The following SLC35B3 variants were observed in gnomAD, a reference collection of about 807,000 sequenced individuals.
The protein encoded by SLC35B3 is solute carrier family 35 member B3, also known as adenosine 3'-phospho 5'-phosphosulfate transporter 2.
Under a neutral mutation model 44.1 loss-of-function variants are expected in SLC35B3, and 35 were observed. That is an observed-to-expected ratio of 0.79 (90% confidence interval 0.61 to 1.05). SLC35B3 has a LOEUF of 1.05. Ranked by LOEUF, SLC35B3 falls within the 50% of genes least tolerant of loss-of-function variation. The pLI, the probability that SLC35B3 is intolerant of heterozygous loss-of-function variation, is 0.00. For missense variants in SLC35B3, 414 were observed against 476.4 expected (o/e 0.87, Z 1.22); for synonymous variants, 146 against 167.3 (o/e 0.87, Z 0.98).
In SLC35B3 at chr6:8,413,400, C is replaced by T. The variant is rs537683810; in HGVS notation, c.*149G>A. On this transcript the variant is annotated 3_prime_UTR_variant, in exon 11 of 11. Coordinates refer to ENST00000644923, the MANE Select transcript of SLC35B3 (RefSeq NM_001370476.2). Reference sequence around the variant, plus strand: ...TCAAACAAATGCTCTGAAGAAAAGGCTGACACCGCAAAACAACTTCATATG... The same window carrying T: ...TCAAACAAATGCTCTGAAGAAAAGGTTGACACCGCAAAACAACTTCATATG... The T allele has an allele frequency of 2.9e-5, 18 of 619,566 alleles. No individual in the cohort carries two copies. The South Asian group carries it at 4.4e-4, about 15-fold the overall frequency. The allele number at this position is 619,566 out of a possible 1,614,324, so 38.4% of individuals were successfully genotyped here. A position where few individuals can be genotyped will look rare whatever the true frequency, so the allele number is the denominator to read the frequency against.
intron 4 of SLC35B3, among the ~76,000 whole-genome samples, chr6:8,427,486 A>G (rs1011600661): frequency 6.6e-6 from 1 of 152,208 alleles, no homozygotes; most frequent in Non-Finnish European, 1.5e-5. Flanking sequence ...TTATGTTTGG[A>G]AGTTTCCACT....
At position 8,434,570 on chromosome 6, in the gene SLC35B3, C is replaced by A; in HGVS notation, c.-43-140G>T. 1.9e-6 allele frequency: 1 copy of A among 535,768 alleles called. No individual in the cohort carries two copies. Among genetic ancestry groups the A allele is most frequent in the Admixed American group, 3.7e-5 (1 of 27,052 alleles). The allele number at this position is 535,768 out of a possible 1,614,324, so 33.2% of individuals were successfully genotyped here. On this transcript the variant is annotated intron_variant, in intron 1 of 10. Transcript: ENST00000644923. This position sits in a 1 kb window ranked among gnomAD's most constrained non-coding sequence, Gnocchi z 6.3. ...TTTTTTCCAAGAGAAAAAGTTAACA[C>A]TAGGACTTTATATATTAAGTAATTA...
At position 8,429,999 on chromosome 6, in the gene SLC35B3, T is replaced by C. The variant is rs1581268713; in HGVS notation, c.162A>G (p.Thr54=). 1.2e-6 allele frequency: 2 copies of C among 1,614,010 alleles called. No homozygotes were observed. The highest frequency in any genetic ancestry group is 4.5e-5 in the East Asian group (2 of 44,862). ...CAACTGACTTGATGTGTGGTGACATTGTTTGGGTTTTGGATGGCACAGTGA... is the reference window on the plus strand; with the variant it reads ...CAACTGACTTGATGTGTGGTGACATCGTTTGGGTTTTGGATGGCACAGTGA... Residue 54 remains threonine, a synonymous_variant, in exon 3 of 11, where the codon ACA becomes ACG. Coordinates refer to ENST00000644923, the MANE Select transcript of SLC35B3 (RefSeq NM_001370476.2).
chr6:8,422,892 A>G (rs1337567766), intron 4 of SLC35B3, among the ~76,000 whole-genome samples: 1 of 148,358 alleles, frequency 6.7e-6, no homozygotes, highest in East Asian at 1.9e-4. Flanking sequence ...CTGAAGGTAT[A>G]AATGTTGACA....
chr6:8,429,857 TTTTTACCTGTAAA>T lies in SLC35B3; in HGVS notation c.291_297+6del. The T allele has an allele frequency of 6.5e-7, 1 of 1,532,350 alleles. No individual in the cohort carries two copies. Among genetic ancestry groups the T allele is most frequent in the Non-Finnish European group, 8.9e-7 (1 of 1,129,140 alleles). The allele number at this position is 1,532,350 out of a possible 1,614,324, so 94.9% of individuals were successfully genotyped here. A position where few individuals can be genotyped will look rare whatever the true frequency, so the allele number is the denominator to read the frequency against. On this transcript the variant is annotated splice_donor_variant and splice_donor_5th_base_variant and coding_sequence_variant and intron_variant, in exon 3 of 11. Transcript: ENST00000644923. LOFTEE classifies it high-confidence loss of function. ...ATTAACATATTACAAACATATAACT[TTTTTACCTGTAAA>T]TACCCATAAATTAGGTAAAATACAA...
At position 8,435,534 on chromosome 6, in the gene SLC35B3, T is replaced by G. The variant is rs1764425981; in HGVS notation, c.-235A>C. 2 of 463,766 alleles carry G rather than the reference T, an allele frequency of 4.3e-6. No homozygotes were observed. Among genetic ancestry groups the G allele is most frequent in the Admixed American group, 6.6e-5 (2 of 30,466 alleles). The allele number at this position is 463,766 out of a possible 1,614,324, so 28.7% of individuals were successfully genotyped here. On this transcript the variant is annotated 5_prime_UTR_variant, in exon 1 of 11. Coordinates refer to ENST00000644923, the MANE Select transcript of SLC35B3 (RefSeq NM_001370476.2). This position sits in a 1 kb window ranked among gnomAD's most constrained non-coding sequence, Gnocchi z 5.5. ...CTCAACTCCGGCGCCCGCAGGCCACTTCCGCCTATGTGTCCCTGCGCGCGT... is the reference window on the plus strand; with the variant it reads ...CTCAACTCCGGCGCCCGCAGGCCACGTCCGCCTATGTGTCCCTGCGCGCGT...
At position 8,419,796 on chromosome 6, in the gene SLC35B3, C is replaced by T; in HGVS notation, c.683-119G>A. ...AAAAACAAAAGCAGATCTTCAACTA[C>T]ATTTGTTCGGTAATCCAGAATATTC... On this transcript the variant is annotated intron_variant, in intron 6 of 10. Coordinates refer to ENST00000644923, the MANE Select transcript of SLC35B3 (RefSeq NM_001370476.2). This position sits in a 1 kb window ranked among gnomAD's most constrained non-coding sequence, Gnocchi z 4.3. The T allele has an allele frequency of 2.0e-6, 1 of 506,400 alleles. No homozygotes were observed. The highest frequency in any genetic ancestry group is 3.6e-6 in the Non-Finnish European group (1 of 280,516). The allele number at this position is 506,400 out of a possible 1,614,324, so 31.4% of individuals were successfully genotyped here.
Position 8,435,102 on chromosome 6 carries a change from T to C in SLC35B3, c.-44+241A>G, listed in dbSNP as rs891540070. 1 of 1,246,002 alleles carries C rather than the reference T, an allele frequency of 8.0e-7. No homozygotes were observed. The highest frequency in any genetic ancestry group is 1.5e-5 in the African/African-American group (1 of 64,732). The allele number at this position is 1,246,002 out of a possible 1,614,324, so 77.2% of individuals were successfully genotyped here. On this transcript the variant is annotated intron_variant, in intron 1 of 10. Coordinates refer to ENST00000644923, the MANE Select transcript of SLC35B3 (RefSeq NM_001370476.2). The surrounding 1 kb of genome is among the most constrained non-coding windows in gnomAD (Gnocchi z 5.5). ...CCCTGCGAGTCCACGGATTGGGACC[T>C]GAGGGAGTTCTCGCCAGCCCGAGGG...
At chr6:8,424,721 G>A (rs765835410) in intron 4 of SLC35B3, among the ~76,000 whole-genome samples, 3 of 152,128 alleles carry the variant, frequency 2.0e-5, no homozygotes, top group Non-Finnish European at 4.4e-5. Context: ...ACTTTAGCAC[G>A]CATTACCACA....
At position 8,413,712 on chromosome 6, in the gene SLC35B3, A is replaced by C. The variant is rs1238169699; in HGVS notation, c.1056-13T>G. 1 of 1,452,868 alleles carries C rather than the reference A, an allele frequency of 6.9e-7. No individual in the cohort carries two copies. The highest frequency in any genetic ancestry group is 2.4e-5 in the East Asian group (1 of 41,998). The allele number at this position is 1,452,868 out of a possible 1,614,324, so 90.0% of individuals were successfully genotyped here. A position where few individuals can be genotyped will look rare whatever the true frequency, so the allele number is the denominator to read the frequency against. ...AGACCATACATACCTAAGAGAAAGA[A>C]ATAAGGAAAAAAAATTAAAATTAGC... On this transcript the variant is annotated splice_polypyrimidine_tract_variant and intron_variant, in intron 10 of 10. Transcript: ENST00000644923.
intron 3 of SLC35B3, 63 bp downstream of exon 2, chr6:8,429,801 A>C: frequency 8.2e-7 from 1 of 1,222,316 alleles, no homozygotes; most frequent in Non-Finnish European, 1.1e-6. Flanking sequence ...AAACTAGTAA[A>C]TGCCCATACT....
At position 8,429,969 on chromosome 6, in the gene SLC35B3, G is replaced by A. The variant is rs780737163; in HGVS notation, c.192C>T (p.Asp64=). 19 of 1,613,002 alleles carry A rather than the reference G, an allele frequency of 1.2e-5. No individual in the cohort carries two copies. Among genetic ancestry groups the A allele is most frequent in the East Asian group, 4.5e-5 (2 of 44,866 alleles). ...TGAGATTCATGCCAAGTACCACAACGTCGTCAACTGACTTGATGTGTGGTG... is the reference window on the plus strand; with the variant it reads ...TGAGATTCATGCCAAGTACCACAACATCGTCAACTGACTTGATGTGTGGTG... The change falls in exon 3 of 11, where the codon GAC becomes GAT. Residue 64 remains aspartate (D), a synonymous_variant. Transcript: ENST00000644923.
chr6:8,419,467 G>T lies in SLC35B3; in HGVS notation c.780+113C>A. The T allele has an allele frequency of 1.9e-6, 1 of 540,154 alleles. No individual in the cohort carries two copies. Among genetic ancestry groups the T allele is most frequent in the Non-Finnish European group, 3.2e-6 (1 of 312,596 alleles). 33.5% of individuals were successfully genotyped at this position (540,154 alleles called of 1,614,324 possible). ...TATAATGTTTGAATGTATTACTTTTGTAAAAATGAGTTTAAAAATGCAATG... is the reference window on the plus strand; with the variant it reads ...TATAATGTTTGAATGTATTACTTTTTTAAAAATGAGTTTAAAAATGCAATG... On this transcript the variant is annotated intron_variant, in intron 7 of 10. Transcript: ENST00000644923. The surrounding 1 kb of genome is among the most constrained non-coding windows in gnomAD (Gnocchi z 4.3).
chr6:8,417,120 A>G, intron 8 of SLC35B3, 125 bp from the exon 8 acceptor site: 3 of 587,584 alleles, frequency 5.1e-6, no homozygotes, highest in Middle Eastern at 3.8e-4. Flanking sequence ...GCAGTCAAGC[A>G]AAGATTCTTA....
At chr6:8,425,993 A>C (rs1763376371) in intron 4 of SLC35B3, among the ~76,000 whole-genome samples, 1 of 152,246 alleles carries the variant, frequency 6.6e-6, no homozygotes, top group South Asian at 2.1e-4. Flanking sequence ...TTGTCAAACA[A>C]GCACATTTGG....
rs1295129133 is a variant in SLC35B3 at position 8,420,041 on chromosome 6, T to C, written c.683-364A>G. On this transcript the variant is annotated intron_variant, in intron 6 of 10. Coordinates refer to ENST00000644923, the MANE Select transcript of SLC35B3 (RefSeq NM_001370476.2). This position sits in a 1 kb window ranked among gnomAD's most constrained non-coding sequence, Gnocchi z 4.4. Reference sequence around the variant, plus strand: ...TTGGGATTGGTGGCTATTCAGTTAATTAAAAAAAAAAAAAACAGATGAAGA... The same window carrying C: ...TTGGGATTGGTGGCTATTCAGTTAACTAAAAAAAAAAAAAACAGATGAAGA... Among the ~76,000 whole-genome samples the C allele has an allele frequency of 2.0e-5, 3 of 148,194 alleles. No homozygotes were observed. The highest frequency in any genetic ancestry group is 7.4e-5 in the African/African-American group (3 of 40,578).
intron 3 of SLC35B3, 85 bp downstream of exon 2, chr6:8,429,778 AC>A: frequency 1.0e-6 from 1 of 962,478 alleles, no homozygotes; most frequent in Non-Finnish European, 1.5e-6. Flanking sequence ...CCCCTAAGTG[AC>A]TATCTTGGGC....
rs1341305592 is a variant in SLC35B3 at position 8,434,379 on chromosome 6, T to C, written c.3+6A>G. The C allele has an allele frequency of 1.2e-6, 2 of 1,612,468 alleles. No homozygotes were observed. The highest frequency in any genetic ancestry group is 1.1e-5 in the South Asian group (1 of 90,984). On this transcript the variant is annotated splice_donor_region_variant and intron_variant, in intron 2 of 10. Transcript: ENST00000644923. This position sits in a 1 kb window ranked among gnomAD's most constrained non-coding sequence, Gnocchi z 6.3. ...ACACTCAACGTTACAAATAAAAGAA[T>C]CTTACCATGCCATTATGCCTTGATT...
In SLC35B3 at chr6:8,419,241, G is replaced by A. The variant is rs1762676464; in HGVS notation, c.780+339C>T. 6.6e-6 allele frequency among the ~76,000 whole-genome samples: 1 copy of A among 151,996 alleles called. No individual in the cohort carries two copies. The highest frequency in any genetic ancestry group is 6.6e-5 in the Admixed American group (1 of 15,254). ...AACCATGATACTTAGCCAGAAGCCAGCAAGGAAAAGACAAATTGGGCCATA... is the reference window on the plus strand; with the variant it reads ...AACCATGATACTTAGCCAGAAGCCAACAAGGAAAAGACAAATTGGGCCATA... On this transcript the variant is annotated intron_variant, in intron 7 of 10. Transcript: ENST00000644923. This position sits in a 1 kb window ranked among gnomAD's most constrained non-coding sequence, Gnocchi z 4.3.
Sources: gnomAD v4.1 joint callset for allele counts (sites outside exome capture counted in the v4.1 genomes callset) on GRCh38, gnomAD v4.1.1 for gene constraint, Gnocchi (gnomAD v3.1) non-coding constraint, MANE v1.5 for transcripts, NCBI Gene and HGNC (gene_info 2026-07-23, HGNC 2026-07-21) for gene names.